Variants in SMAD4 observed in about 807,000 individuals in gnomAD.
SMAD4 encodes the protein SMAD family member 4, also known as MAD homolog 4.
Under a neutral mutation model 63.2 loss-of-function variants are expected in SMAD4, and 7 were observed. That is an observed-to-expected ratio of 0.11 (90% CI 0.06 to 0.21). The LOEUF is 0.21. SMAD4 is among the 10% of genes least tolerant of loss of function. The probability of loss-of-function intolerance (pLI) is 1.00; values close to 1 mark genes in which losing one functional copy is unlikely to be tolerated. For missense variants in SMAD4, 312 were observed against 693.8 expected (o/e 0.45, Z 6.18); for synonymous variants, 215 against 235.4 (o/e 0.91, Z 0.79).
Position 51,080,154 on chromosome 18 carries a change from T to C in SMAD4, c.*1687T>C, listed in dbSNP as rs1910575085. 4.3e-6 allele frequency: 1 copy of C among 232,520 alleles called. No homozygotes were observed. The highest frequency in any genetic ancestry group is 8.5e-6 in the Non-Finnish European group (1 of 117,728). The allele number at this position is 232,520 out of a possible 1,614,324, so 14.4% of individuals were successfully genotyped here. A position where few individuals can be genotyped will look rare whatever the true frequency, so the allele number is the denominator to read the frequency against. On this transcript the variant is annotated 3_prime_UTR_variant, in exon 12 of 12. Coordinates refer to ENST00000342988, the MANE Select transcript of SMAD4 (RefSeq NM_005359.6). Reference sequence around the variant, plus strand: ...TTGTGTGATGATAGTCCTCCTTATATCACCTGGAATGAACACAGCTTCTAC... The same window carrying C: ...TTGTGTGATGATAGTCCTCCTTATACCACCTGGAATGAACACAGCTTCTAC...
intron 10 of SMAD4, among the ~76,000 whole-genome samples, chr18:51,076,156 G>A (rs1425499445): frequency 3.9e-5 from 6 of 152,036 alleles, no homozygotes; most frequent in East Asian, 1.9e-4. Flanking sequence ...CTTAAAGTAC[G>A]CATCTCTGAA....
intron 8 of SMAD4, among the ~76,000 whole-genome samples, chr18:51,060,131 T>C (rs1909968393): frequency 6.6e-6 from 1 of 152,204 alleles, no homozygotes; most frequent in Non-Finnish European, 1.5e-5. Context: ...AGAAAAGAAC[T>C]ATCTTTTCAG....
chr18:51,055,665 T>C (rs556344602), intron 5 of SMAD4, among the ~76,000 whole-genome samples: 1 of 152,090 alleles, frequency 6.6e-6, no homozygotes, highest in East Asian at 1.9e-4. Context: ...TAACCAAAGG[T>C]TTGATAGTTT....
Position 51,067,324 on chromosome 18 carries a change from C to A in SMAD4, c.1308+137C>A, listed in dbSNP as rs2144453562. The A allele has an allele frequency of 1.0e-5, 5 of 491,662 alleles. No homozygotes were observed. The South Asian group carries it at 2.1e-4, about 21-fold the overall frequency. The allele number at this position is 491,662 out of a possible 1,614,324, so 30.5% of individuals were successfully genotyped here. ...AAATTGTGTTTAAGTATAAAAAACACATTTTCTGAGGGCATTTATTGACAT... is the reference window on the plus strand; with the variant it reads ...AAATTGTGTTTAAGTATAAAAAACAAATTTTCTGAGGGCATTTATTGACAT... On this transcript the variant is annotated intron_variant, in intron 10 of 11. Transcript: ENST00000342988.
intron 10 of SMAD4, among the ~76,000 whole-genome samples, chr18:51,074,161 C>T (rs373122928): frequency 1.7e-4 from 26 of 149,592 alleles, no homozygotes; most frequent in East Asian, 9.9e-4. Flanking sequence ...ATTGCTTGAG[C>T]GCAGGAGTAG....
rs145643623 is a variant in SMAD4 at position 51,080,136 on chromosome 18, A to G, written c.*1669A>G. 1 of 232,574 alleles carries G rather than the reference A, an allele frequency of 4.3e-6. No individual in the cohort carries two copies. The highest frequency in any genetic ancestry group is 8.5e-6 in the Non-Finnish European group (1 of 117,746). The allele number at this position is 232,574 out of a possible 1,614,324, so 14.4% of individuals were successfully genotyped here. A position where few individuals can be genotyped will look rare whatever the true frequency, so the allele number is the denominator to read the frequency against. On this transcript the variant is annotated 3_prime_UTR_variant, in exon 12 of 12. Coordinates refer to ENST00000342988, the MANE Select transcript of SMAD4 (RefSeq NM_005359.6). ...TTTTAGCTATAGAAACACTTGTGTG[A>G]TGATAGTCCTCCTTATATCACCTGG...
intron 8 of SMAD4, among the ~76,000 whole-genome samples, chr18:51,062,851 GTTTTTTTTTTTTTTT>G (rs71171374): frequency 1.5e-5 from 1 of 65,386 alleles, no homozygotes; most frequent in Admixed American, 2.4e-4. Flanking sequence ...GGCTTTACTT[GTTTTTTTTTTTTTTT>G]TTTTTTTTTG....
At chr18:51,060,002 T>C (rs1909963800) in intron 8 of SMAD4, 86 bp downstream of exon 8, 1 of 1,001,544 alleles carries the variant, frequency 1.0e-6, no homozygotes, top group South Asian at 1.3e-5. Flanking sequence ...AATGGAATTA[T>C]GGGGTCACTT....
At chr18:51,042,922 A>G (rs1449570093) in intron 1 of SMAD4, among the ~76,000 whole-genome samples, 1 of 152,222 alleles carries the variant, frequency 6.6e-6, no homozygotes, top group Non-Finnish European at 1.5e-5. Context: ...TTGAGTTGCC[A>G]GTATAACACG....
chr18:51,040,421 CAA>C (rs11444945), intron 1 of SMAD4, among the ~76,000 whole-genome samples: 2 of 138,556 alleles, frequency 1.4e-5, no homozygotes, highest in Admixed American at 1.4e-4. Context: ...AACTCTGTCT[CAA>C]AAAAAAAAAA....
intron 10 of SMAD4, among the ~76,000 whole-genome samples, chr18:51,068,787 GGT>G (rs1404443859): frequency 2.6e-5 from 4 of 152,014 alleles, no homozygotes; most frequent in Non-Finnish European, 4.4e-5. Context: ...TGGGTGTGGT[GGT>G]GCATGCCTGT....
At chr18:51,055,045 CT>C in intron 5 of SMAD4, 52 bp downstream of exon 5, 1 of 1,322,762 alleles carries the variant, frequency 7.6e-7, no homozygotes, top group Non-Finnish European at 1.1e-6. Context: ...CTAATCATTG[CT>C]TATTTATGTG....
At chr18:51,050,658 C>CAA (rs796225213) in intron 4 of SMAD4, among the ~76,000 whole-genome samples, 26 of 84,762 alleles carry the variant, frequency 3.1e-4, no homozygotes, top group African/African-American at 7.4e-4. Flanking sequence ...GACTCTGTCT[C>CAA]AAAAAAAAAA....
chr18:51,056,497 T>C (rs952685032), intron 5 of SMAD4, among the ~76,000 whole-genome samples: 2 of 151,928 alleles, frequency 1.3e-5, no homozygotes, highest in Non-Finnish European at 2.9e-5. Flanking sequence ...CATGCGCCTG[T>C]AGTCCCAGCT....
intron 8 of SMAD4, among the ~76,000 whole-genome samples, chr18:51,062,508 T>G (rs1910039830): frequency 6.6e-6 from 1 of 152,098 alleles, no homozygotes; most frequent in South Asian, 2.1e-4. Context: ...AAATTTTTAT[T>G]TATTTATTTT....
intron 1 of SMAD4, among the ~76,000 whole-genome samples, chr18:51,038,305 T>A (rs1158812778): frequency 2.0e-5 from 3 of 151,470 alleles, no homozygotes; most frequent in Non-Finnish European, 4.4e-5. Flanking sequence ...TCTGTGTAAC[T>A]CATTGAACCA....
rs1284568919 is a variant in SMAD4, at chr18:51,078,246, T to C, written c.1448-10T>C. On this transcript the variant is annotated splice_polypyrimidine_tract_variant and intron_variant, in intron 11 of 11. Transcript: ENST00000342988. ...TGTCCCTCTGATGTCTTCCAAATCT[T>C]TTCTGTTAGGTCTGTCAGCTGCTGC... is the stretch of plus-strand genomic sequence containing the variant. 2 of 1,610,038 alleles carry C rather than the reference T, an allele frequency of 1.2e-6. No homozygotes were observed. The highest frequency in any genetic ancestry group is 1.7e-6 in the Non-Finnish European group (2 of 1,177,086).
At chr18:51,073,207 C>T (rs962070100) in intron 10 of SMAD4, among the ~76,000 whole-genome samples, 2 of 150,860 alleles carry the variant, frequency 1.3e-5, no homozygotes, top group Non-Finnish European at 2.9e-5. Context: ...ATCCTAATTG[C>T]GATTATTTAC....
chr18:51,031,075 C>T (rs1360454993), intron 1 of SMAD4, among the ~76,000 whole-genome samples: 1 of 152,228 alleles, frequency 6.6e-6, no homozygotes, highest in East Asian at 1.9e-4. Context: ...TCTTCCTAGT[C>T]TTGTCATGCC....
Sources: allele counts gnomAD v4.1 joint callset (sites outside exome capture counted in the v4.1 genomes callset), GRCh38; gene constraint gnomAD v4.1.1; transcripts MANE v1.5; gene names NCBI Gene and HGNC (gene_info 2026-07-23, HGNC 2026-07-21).